SYT1: variants seen among roughly 807,000 people sequenced by gnomAD.
The protein encoded by SYT1 is synaptotagmin-1.
In SYT1, 8 loss-of-function variants were observed where a neutral mutation model predicts 44.8. The ratio of observed to expected loss-of-function variants is 0.18; its 90% confidence interval spans 0.10 to 0.32. The LOEUF is 0.32. Among genes scored for constraint, SYT1 ranks in the 10% least tolerant of loss-of-function variants. SYT1 has a pLI of 1.00. For synonymous variants in SYT1, 154 were observed against 188.8 expected, an observed-to-expected ratio of 0.82 and a Z score of 1.51; for missense variants, 286 against 509.3, an observed-to-expected ratio of 0.56 and a Z score of 4.22.
At chr12:79,013,022 G>T (rs1028888517) in intron 2 of SYT1, among the ~76,000 whole-genome samples, 1 of 151,930 alleles carries the variant, frequency 6.6e-6, no homozygotes, top group Non-Finnish European at 1.5e-5. Flanking sequence ...ACCTCTGCTT[G>T]CTTCCACACC....
At chr12:79,142,054 G>A (rs1869589549) in intron 3 of SYT1, among the ~76,000 whole-genome samples, 1 of 152,178 alleles carries the variant, frequency 6.6e-6, no homozygotes, top group South Asian at 2.1e-4. Context: ...GAATTGCCAA[G>A]AGCCAGGGAA....
intron 9 of SYT1, among the ~76,000 whole-genome samples, chr12:79,401,184 A>G (rs189750661): frequency 3.8e-4 from 58 of 152,330 alleles, no homozygotes; most frequent in Admixed American, 9.2e-4. Flanking sequence ...GAATAGCACT[A>G]GTAACTAGAA....
chr12:79,160,388 A>T (rs1217886935), intron 3 of SYT1, among the ~76,000 whole-genome samples: 1 of 152,198 alleles, frequency 6.6e-6, no homozygotes, highest in Non-Finnish European at 1.5e-5. Flanking sequence ...GATGTGGTCA[A>T]TGAAACCATG....
rs184830747 is a variant in SYT1, at chr12:79,122,918, G to A, written c.-18+75556G>A. Among the ~76,000 whole-genome samples, 125 of 152,222 alleles carry A rather than the reference G, an allele frequency of 8.2e-4. 1 individual carries two copies. Among genetic ancestry groups the A allele is most frequent in the African/African-American group, 2.8e-3 (118 of 41,526 alleles). On this transcript the variant is annotated intron_variant, in intron 3 of 10. Coordinates refer to ENST00000261205, the MANE Select transcript of SYT1 (RefSeq NM_005639.3). ...TAAATGATGACACCTTCTAAGTAAAGTGATCATTAACATCCATCATTTTTA... is the reference window on the plus strand; with the variant it reads ...TAAATGATGACACCTTCTAAGTAAAATGATCATTAACATCCATCATTTTTA...
chr12:79,442,137 A>G (rs1306148264), intron 9 of SYT1, among the ~76,000 whole-genome samples: 1 of 152,202 alleles, frequency 6.6e-6, no homozygotes, highest in Admixed American at 6.5e-5. Flanking sequence ...TAGGTTGACA[A>G]AGTTTCAACA....
chr12:79,039,957 A>AT (rs1465750542), intron 2 of SYT1, among the ~76,000 whole-genome samples: 2 of 146,234 alleles, frequency 1.4e-5, no homozygotes, highest in African/African-American at 5.1e-5. Context: ...TGAACTCATC[A>AT]TTTTTTATGG....
At chr12:79,364,779 A>T (rs1224685663) in intron 9 of SYT1, among the ~76,000 whole-genome samples, 1 of 152,184 alleles carries the variant, frequency 6.6e-6, no homozygotes, top group Non-Finnish European at 1.5e-5. Context: ...CCGTTAACAA[A>T]CAAAAAGAGC....
At chr12:79,263,563 TA>T (rs1319210158) in intron 4 of SYT1, among the ~76,000 whole-genome samples, 1 of 152,114 alleles carries the variant, frequency 6.6e-6, no homozygotes, top group African/African-American at 2.4e-5. Flanking sequence ...TATATTAAAA[TA>T]ATTCTATTTC....
intron 2 of SYT1, among the ~76,000 whole-genome samples, chr12:79,041,118 G>T (rs2137724889): frequency 6.6e-6 from 1 of 151,920 alleles, no homozygotes; most frequent in East Asian, 1.9e-4. Context: ...CTCTTTTTTG[G>T]TTCCATATGA....
chr12:79,206,537 A>G (rs1874140021), intron 3 of SYT1, among the ~76,000 whole-genome samples: 1 of 152,198 alleles, frequency 6.6e-6, no homozygotes, highest in South Asian at 2.1e-4. Flanking sequence ...TGTGAAAAAA[A>G]ATATTGTGAA....
rs188729532 is a variant in SYT1, at chr12:79,294,607, A to T, written c.475-1462A>T. Among the ~76,000 whole-genome samples the T allele has an allele frequency of 2.0e-3, 308 of 152,266 alleles. 2 individuals carry two copies. The highest frequency in any genetic ancestry group is 2.7e-3 in the South Asian group (13 of 4,830). The stretch of plus-strand genomic sequence containing the variant: ...ATCCAAAAACTCTAAATTATAAATC[A>T]TCTAGTTTCTAAAGAGTTTAAGCCA... On this transcript the variant is annotated intron_variant, in intron 6 of 10. Coordinates refer to ENST00000261205, the MANE Select transcript of SYT1 (RefSeq NM_005639.3).
At chr12:78,941,564 T>C (rs1269435669) in intron 1 of SYT1, among the ~76,000 whole-genome samples, 1 of 152,208 alleles carries the variant, frequency 6.6e-6, no homozygotes, top group Non-Finnish European at 1.5e-5. Flanking sequence ...AATAGTAACA[T>C]TAGGCAGCTA....
intron 9 of SYT1, among the ~76,000 whole-genome samples, chr12:79,398,347 TTAAAA>T (rs2136108651): frequency 6.6e-6 from 1 of 152,368 alleles, no homozygotes; most frequent in African/African-American, 2.4e-5. Context: ...AAATACTGTC[TTAAAA>T]TATCTTCTGA....
intron 4 of SYT1, among the ~76,000 whole-genome samples, chr12:79,256,728 G>T (rs548453095): frequency 3.3e-5 from 5 of 152,250 alleles, no homozygotes; most frequent in Admixed American, 3.3e-4. Context: ...AATTTTTAAT[G>T]CCAGTTACTC....
chr12:78,894,338 T>G (rs1875233949), intron 1 of SYT1, among the ~76,000 whole-genome samples: 3 of 92,840 alleles, frequency 3.2e-5, no homozygotes, highest in South Asian at 3.8e-4. Context: ...CTGTTTTTTT[T>G]TTTTTTTTTT....
intron 2 of SYT1, among the ~76,000 whole-genome samples, chr12:78,994,935 T>C (rs573420963): frequency 3.3e-5 from 5 of 152,246 alleles, no homozygotes; most frequent in African/African-American, 1.2e-4. Flanking sequence ...TTCTCCAAAA[T>C]TGGTCATCCC....
chr12:79,154,859 T>C (rs967038684), intron 3 of SYT1, among the ~76,000 whole-genome samples: 3 of 152,102 alleles, frequency 2.0e-5, no homozygotes, highest in Admixed American at 2.0e-4. Flanking sequence ...GCTGTTTCAC[T>C]CCACTGAAGG....
chr12:78,873,543 A>T (rs1873926525), intron 1 of SYT1, among the ~76,000 whole-genome samples: 2 of 151,642 alleles, frequency 1.3e-5, no homozygotes, highest in African/African-American at 4.8e-5. Context: ...ATGTTAGATA[A>T]GTCACCTTAT....
rs1166109922 is a variant in SYT1, at chr12:79,120,977, G to GTA, written c.-18+73626_-18+73627dup. Among the ~76,000 whole-genome samples the GTA allele has an allele frequency of 1.3e-3, 192 of 144,774 alleles. 3 individuals are homozygous for GTA. The highest frequency in any genetic ancestry group is 1.6e-3 in the African/African-American group (64 of 39,146). The allele number at this position is 144,774 out of a possible 152,430, so 95.0% of individuals were successfully genotyped here. On this transcript the variant is annotated intron_variant, in intron 3 of 10. Coordinates refer to ENST00000261205, the MANE Select transcript of SYT1 (RefSeq NM_005639.3). ...TAGATATATATACACACACACATTT[G>GTA]TATATATATATACACACACACATAT... is the stretch of plus-strand genomic sequence containing the variant.
Sources: allele counts gnomAD v4.1 joint callset (sites outside exome capture counted in the v4.1 genomes callset), GRCh38; gene constraint gnomAD v4.1.1; transcripts MANE v1.5; gene names NCBI Gene and HGNC (gene_info 2026-07-23, HGNC 2026-07-21).